BNC2: variants seen among roughly 807,000 people sequenced by gnomAD.
BNC2 encodes the protein basonuclin zinc finger protein 2, also known as zinc finger protein basonuclin-2.
BNC2 carries 20 observed loss-of-function variants against 76.3 expected under a neutral mutation model. That is an observed-to-expected ratio of 0.26 (90% confidence interval 0.18 to 0.38). The LOEUF (loss-of-function observed/expected upper bound fraction) is 0.38, where lower values mean the gene tolerates loss of function less well. BNC2 is among the 10% of genes least tolerant of loss of function. The pLI is 1.00. For missense variants in BNC2, 1,382 were observed against 1,399.8 expected (o/e 0.99, Z 0.20); for synonymous variants, 582 against 514.8 (o/e 1.13, Z -1.77).
intron 1 of BNC2, among the ~76,000 whole-genome samples, chr9:16,804,822 G>C (rs960829866): frequency 1.3e-5 from 2 of 152,146 alleles, no homozygotes; most frequent in African/African-American, 4.8e-5. Context: ...CCAGCACTTT[G>C]GGAGGCCGAG....
chr9:16,835,037 T>C (rs980849330), intron 1 of BNC2, among the ~76,000 whole-genome samples: 2 of 152,202 alleles, frequency 1.3e-5, no homozygotes, highest in South Asian at 2.1e-4. Context: ...CATTCACTTA[T>C]AGTGGCTTCA....
intron 6 of BNC2, among the ~76,000 whole-genome samples, chr9:16,427,523 C>T (rs1462653110): frequency 6.6e-6 from 1 of 152,210 alleles, no homozygotes; most frequent in East Asian, 1.9e-4. Context: ...AAACATTTTG[C>T]AGCTCTGGAC....
At chr9:16,783,154 A>G (rs2135568245) in intron 1 of BNC2, among the ~76,000 whole-genome samples, 1 of 152,340 alleles carries the variant, frequency 6.6e-6, no homozygotes, top group African/African-American at 2.4e-5. Context: ...AACAGAAGTA[A>G]GTTGAAATTA....
At chr9:16,699,861 G>C (rs1292099937) in intron 3 of BNC2, among the ~76,000 whole-genome samples, 3 of 152,254 alleles carry the variant, frequency 2.0e-5, no homozygotes, top group African/African-American at 7.2e-5. Context: ...CTAATAAAGA[G>C]CTACATAAAT....
intron 1 of BNC2, among the ~76,000 whole-genome samples, chr9:16,843,382 T>C (rs905746154): frequency 8.5e-5 from 13 of 152,198 alleles, no homozygotes; most frequent in African/African-American, 2.7e-4. Flanking sequence ...TAGGCTGGAG[T>C]GCAGTGGCAA....
At chr9:16,841,707 T>G (rs1319075312) in intron 1 of BNC2, among the ~76,000 whole-genome samples, 1 of 152,106 alleles carries the variant, frequency 6.6e-6, no homozygotes, top group Non-Finnish European at 1.5e-5. Flanking sequence ...GATAAAATAC[T>G]TCAAAATAAA....
chr9:16,580,252 A>C (rs1053844816), intron 4 of BNC2: 1 of 397,956 alleles, frequency 2.5e-6, no homozygotes, highest in Non-Finnish European at 4.4e-6. Flanking sequence ...CCAACCCCTC[A>C]CTGCTGTATT....
At chr9:16,703,051 A>C (rs1335319611) in intron 3 of BNC2, among the ~76,000 whole-genome samples, 1 of 152,196 alleles carries the variant, frequency 6.6e-6, no homozygotes, top group African/African-American at 2.4e-5. Flanking sequence ...AAGATTCCTA[A>C]ATCAGCTGAA....
chr9:16,516,889 G>T (rs1364565008), intron 5 of BNC2, among the ~76,000 whole-genome samples: 1 of 152,156 alleles, frequency 6.6e-6, no homozygotes, highest in Non-Finnish European at 1.5e-5. Flanking sequence ...TTAATTAGAT[G>T]TTTCTGGTTT....
intron 3 of BNC2, among the ~76,000 whole-genome samples, chr9:16,613,030 G>C (rs1486802610): frequency 3.3e-5 from 5 of 152,182 alleles, no homozygotes; most frequent in Non-Finnish European, 7.3e-5. Flanking sequence ...AGGTAAAGCA[G>C]CATGGGGCTT....
intron 5 of BNC2, among the ~76,000 whole-genome samples, chr9:16,524,612 T>A (rs1396605508): frequency 6.6e-6 from 1 of 152,196 alleles, no homozygotes; most frequent in Non-Finnish European, 1.5e-5. Flanking sequence ...TGTATAATAA[T>A]CTACTGAACA....
intron 5 of BNC2, among the ~76,000 whole-genome samples, chr9:16,480,271 C>CA (rs1214298555): frequency 6.6e-6 from 1 of 152,236 alleles, no homozygotes; most frequent in East Asian, 1.9e-4. Context: ...CTCTAGCAAA[C>CA]AAAAACAACC....
chr9:16,555,333 G>A (rs1032397408), intron 4 of BNC2, among the ~76,000 whole-genome samples: 3 of 152,066 alleles, frequency 2.0e-5, no homozygotes, highest in African/African-American at 7.2e-5. Flanking sequence ...AAGGTTGGTT[G>A]TTTTAAAGAT....
intron 5 of BNC2, among the ~76,000 whole-genome samples, chr9:16,515,177 A>C (rs1318003219): frequency 6.6e-6 from 1 of 152,196 alleles, no homozygotes; most frequent in South Asian, 2.1e-4. Flanking sequence ...CATGGAGCAG[A>C]GCATGGAGAT....
At chr9:16,626,169 T>C (rs1031138358) in intron 3 of BNC2, 1 of 152,044 alleles carries the variant, frequency 6.6e-6, no homozygotes, top group Non-Finnish European at 1.5e-5. Flanking sequence ...CCTTGGTATA[T>C]CTAAAGAGGA....
In BNC2 at chr9:16,410,639, G is replaced by T. The variant is rs1033902165; in HGVS notation, c.*8350C>A. 2 of 152,586 alleles carry T rather than the reference G, an allele frequency of 1.3e-5. No homozygotes were observed. The highest frequency in any genetic ancestry group is 4.8e-5 in the African/African-American group (2 of 41,442). 9.5% of individuals were successfully genotyped at this position (152,586 alleles called of 1,614,324 possible). The stretch of plus-strand genomic sequence containing the variant: ...CGTTATGCAAACCCTGGACAGGGTA[G>T]AACACGTTTCCAAAGCAATTAAAAC... On this transcript the variant is annotated 3_prime_UTR_variant, in exon 7 of 7. Coordinates refer to ENST00000380672, the MANE Select transcript of BNC2 (RefSeq NM_017637.6).
intron 5 of BNC2, among the ~76,000 whole-genome samples, chr9:16,463,716 G>A (rs1821639670): frequency 6.6e-6 from 1 of 151,946 alleles, no homozygotes; most frequent in African/African-American, 2.4e-5. Context: ...AATGATAGGA[G>A]ATTATTTTCT....
chr9:16,647,863 G>C (rs1821679520), intron 3 of BNC2, among the ~76,000 whole-genome samples: 1 of 152,106 alleles, frequency 6.6e-6, no homozygotes, highest in African/African-American at 2.4e-5. Flanking sequence ...GGATTAGCTA[G>C]TCTATTCCAC....
chr9:16,531,010 T>C (rs940828496), intron 5 of BNC2, among the ~76,000 whole-genome samples: 1 of 152,212 alleles, frequency 6.6e-6, no homozygotes, highest in Non-Finnish European at 1.5e-5. Flanking sequence ...CCACCTCCCA[T>C]TGGCACTATC....
Sources: gnomAD v4.1 joint callset for allele counts (sites outside exome capture counted in the v4.1 genomes callset) on GRCh38, gnomAD v4.1.1 for gene constraint, MANE v1.5 for transcripts, NCBI Gene and HGNC (gene_info 2026-07-23, HGNC 2026-07-21) for gene names.